Variants in FYB1 observed in about 807,000 individuals in gnomAD.
FYB1 encodes FYN binding protein 1, also known as FYN-binding protein 1.
Under a neutral mutation model 94.1 loss-of-function variants are expected in FYB1, and 41 were observed. The ratio of observed to expected loss-of-function variants is 0.44; its 90% CI spans 0.34 to 0.57. The LOEUF (loss-of-function observed/expected upper bound fraction) is 0.57, where lower values mean the gene tolerates loss of function less well. Ranked by LOEUF, FYB1 falls within the 20% of genes least tolerant of loss-of-function variation. The pLI is 0.02. For synonymous variants in FYB1, 367 were observed against 353.2 expected (o/e 1.04, Z -0.44); for missense variants, 1,050 against 976.8 (o/e 1.07, Z -1.00).
chr5:39,163,688 A>AG (rs1171492488), intron 2 of FYB1, among the ~76,000 whole-genome samples: 1 of 152,238 alleles, frequency 6.6e-6, no homozygotes, highest in Non-Finnish European at 1.5e-5. Flanking sequence ...GTAATTAGAC[A>AG]GGATATTGCT....
At chr5:39,177,248 T>C (rs1010248553) in intron 2 of FYB1, among the ~76,000 whole-genome samples, 1 of 152,184 alleles carries the variant, frequency 6.6e-6, no homozygotes, top group African/African-American at 2.4e-5. Flanking sequence ...CCAAAGTTTA[T>C]TGTTTCTGTT....
Position 39,108,232 on chromosome 5 carries a change from A to G in FYB1, c.2466T>C (p.Asp822=). 6.6e-7 allele frequency: 1 copy of G among 1,526,112 alleles called. No homozygotes were observed. Among genetic ancestry groups the G allele is most frequent in the Non-Finnish European group, 8.9e-7 (1 of 1,127,114 alleles). 94.5% of individuals were successfully genotyped at this position (1,526,112 alleles called of 1,614,324 possible). ...AGGGTGGTACTACATAAGACTTACC[A>G]TCAGCAATATCATCATAGATCTCTC... ...NDGEIYDDIA[D]GCIYDND is the part of the protein sequence containing the mutation. Residue 822 remains aspartate, a splice_region_variant and synonymous_variant, in exon 18 of 19, where the codon GAT becomes GAC. Transcript: ENST00000512982.
intron 1 of FYB1, among the ~76,000 whole-genome samples, chr5:39,249,774 A>G (rs899274003): frequency 6.6e-6 from 1 of 152,214 alleles, no homozygotes; most frequent in South Asian, 2.1e-4. Context: ...GTTACAGAAT[A>G]CAAGAGGAGG....
At chr5:39,241,267 G>A (rs1751193210) in intron 1 of FYB1, among the ~76,000 whole-genome samples, 1 of 152,100 alleles carries the variant, frequency 6.6e-6, no homozygotes. Flanking sequence ...CCCCTGTGAT[G>A]CACAGTTTAC....
chr5:39,265,335 T>A (rs1173014943), intron 1 of FYB1, among the ~76,000 whole-genome samples: 7 of 151,826 alleles, frequency 4.6e-5, no homozygotes, highest in Non-Finnish European at 5.9e-5. Context: ...AAAAAAAAAA[T>A]TAGCCAGTTG....
At chr5:39,218,880 C>T (rs1750081692) in intron 1 of FYB1, among the ~76,000 whole-genome samples, 1 of 152,206 alleles carries the variant, frequency 6.6e-6, no homozygotes, top group Admixed American at 6.5e-5. Flanking sequence ...TGATCTGCAG[C>T]TGTTTGTCAT....
chr5:39,209,579 T>TCAGCCTCCC (rs1178463235), intron 1 of FYB1, among the ~76,000 whole-genome samples: 5 of 152,326 alleles, frequency 3.3e-5, no homozygotes, highest in African/African-American at 9.6e-5. Context: ...ACCACCTGCC[T>TCAGCCTCCC]CAGCCTCCCA....
At chr5:39,164,288 T>C (rs1312666878) in intron 2 of FYB1, among the ~76,000 whole-genome samples, 1 of 152,120 alleles carries the variant, frequency 6.6e-6, no homozygotes, top group Non-Finnish European at 1.5e-5. Flanking sequence ...CAGCCCACTG[T>C]AAATATGTGA....
intron 1 of FYB1, among the ~76,000 whole-genome samples, chr5:39,242,026 C>G (rs1398447336): frequency 6.6e-6 from 1 of 152,140 alleles, no homozygotes; most frequent in Non-Finnish European, 1.5e-5. Context: ...TTTCAGAAAT[C>G]CTTACATGTT....
chr5:39,202,135 A>T lies in FYB1; in HGVS notation c.826T>A (p.Ser276Thr). ...PAASRGGPGL[S>T]KNGEEKKEDR... The stretch of plus-strand genomic sequence containing the variant: ...TCCTTTTTTTCTTCACCATTTTTGG[A>T]GAGACCTGGGCCTCCCCTGCTCGCA... The change falls in exon 2 of 19, where the codon TCC becomes ACC. Residue 276 changes from serine (S) to threonine (T), a missense_variant. Physicochemically the swap from Ser to Thr is moderately conservative, Grantham distance 58 (BLOSUM62 1). Transcript: ENST00000512982. 1 of 1,613,910 alleles carries T rather than the reference A, an allele frequency of 6.2e-7. No homozygotes were observed. The highest frequency in any genetic ancestry group is 8.5e-7 in the Non-Finnish European group (1 of 1,179,880).
At chr5:39,265,711 T>G (rs918864119) in intron 1 of FYB1, among the ~76,000 whole-genome samples, 2 of 152,146 alleles carry the variant, frequency 1.3e-5, no homozygotes, top group Non-Finnish European at 2.9e-5. Flanking sequence ...GCCCCATCCT[T>G]GACCCTCCCA....
intron 2 of FYB1, among the ~76,000 whole-genome samples, chr5:39,189,882 A>T (rs1216416914): frequency 6.6e-6 from 1 of 152,224 alleles, no homozygotes; most frequent in African/African-American, 2.4e-5. Flanking sequence ...AGGTTATTGC[A>T]GTATAGCACA....
At chr5:39,209,343 T>C (rs1361821071) in intron 1 of FYB1, among the ~76,000 whole-genome samples, 2 of 148,370 alleles carry the variant, frequency 1.3e-5, no homozygotes, top group Non-Finnish European at 3.0e-5. Flanking sequence ...TTTTTTTTTT[T>C]TGAGACGGAG....
At chr5:39,172,909 T>C (rs1745383598) in intron 2 of FYB1, among the ~76,000 whole-genome samples, 1 of 152,230 alleles carries the variant, frequency 6.6e-6, no homozygotes, top group Non-Finnish European at 1.5e-5. Flanking sequence ...GCAATGAACC[T>C]ACAAGTGCAT....
At chr5:39,119,467 G>A in intron 15 of FYB1, 68 bp downstream of exon 15, 1 of 1,168,364 alleles carries the variant, frequency 8.6e-7, no homozygotes, top group South Asian at 2.0e-5. Context: ...TGTTTTTTTT[G>A]TTACTTAAAA....
In FYB1 at chr5:39,108,238, A is replaced by G. The variant is rs1294623063; in HGVS notation, c.2460T>C (p.Ile820=). 3.9e-6 allele frequency: 6 copies of G among 1,527,140 alleles called. No individual in the cohort carries two copies. The highest frequency in any genetic ancestry group is 1.2e-5 in the South Asian group (1 of 82,952). 94.6% of individuals were successfully genotyped at this position (1,527,140 alleles called of 1,614,324 possible). ...GTACTACATAAGACTTACCATCAGC[A>G]ATATCATCATAGATCTCTCCATCAC... ...ADNDGEIYDD[I]ADGCIYDND Residue 820 remains isoleucine, a synonymous_variant, in exon 18 of 19, where the codon ATT becomes ATC. Transcript: ENST00000512982.
chr5:39,163,328 G>C (rs1485459516), intron 2 of FYB1, among the ~76,000 whole-genome samples: 1 of 152,164 alleles, frequency 6.6e-6, no homozygotes, highest in Non-Finnish European at 1.5e-5. Context: ...AGGCAGCTTA[G>C]AACAGTCCAA....
intron 2 of FYB1, among the ~76,000 whole-genome samples, chr5:39,165,639 G>A (rs1340316413): frequency 6.6e-6 from 1 of 152,074 alleles, no homozygotes; most frequent in African/African-American, 2.4e-5. Context: ...TAGACAAATG[G>A]GATTTAACTA....
chr5:39,145,900 CTT>C (rs60165889), intron 3 of FYB1, among the ~76,000 whole-genome samples: 2 of 144,928 alleles, frequency 1.4e-5, no homozygotes, highest in African/African-American at 5.1e-5. Context: ...TCCTCCCATT[CTT>C]TTTTTTTTTC....
Sources: gnomAD v4.1 joint callset for allele counts (sites outside exome capture counted in the v4.1 genomes callset) on GRCh38, gnomAD v4.1.1 for gene constraint, MANE v1.5 for transcripts, NCBI Gene and HGNC (gene_info 2026-07-23, HGNC 2026-07-21) for gene names.